AGMO: variants seen among roughly 807,000 people sequenced by gnomAD.
AGMO encodes glyceryl-ether monooxygenase.
Under a neutral mutation model 60.2 loss-of-function variants are expected in AGMO, and 75 were observed. That is an observed-to-expected ratio of 1.25 (90% CI 1.03 to 1.51). The LOEUF (loss-of-function observed/expected upper bound fraction) is 1.51, where lower values mean the gene tolerates loss of function less well. Ranked by LOEUF, AGMO falls within the 40% of genes most tolerant of loss-of-function variation. The pLI is 0.00. For synonymous variants in AGMO, 261 were observed against 177.1 expected, an observed-to-expected ratio of 1.47 and a Z score of -3.76; for missense variants, 763 against 525.5, an observed-to-expected ratio of 1.45 and a Z score of -4.42.
chr7:15,339,942 A>G (rs974562117), intron 12 of AGMO, among the ~76,000 whole-genome samples: 2 of 152,230 alleles, frequency 1.3e-5, no homozygotes, highest in South Asian at 2.1e-4. Context: ...AATTCAGCCC[A>G]TAAGTTATTG....
intron 2 of AGMO, among the ~76,000 whole-genome samples, chr7:15,555,258 A>T (rs542904403): frequency 6.9e-6 from 1 of 144,458 alleles, no homozygotes; most frequent in Non-Finnish European, 1.5e-5. Context: ...CAAATAAATT[A>T]ATGTATTGGA....
intron 12 of AGMO, among the ~76,000 whole-genome samples, chr7:15,278,940 C>T (rs1401172697): frequency 2.0e-5 from 3 of 152,214 alleles, no homozygotes; most frequent in African/African-American, 2.4e-5. Context: ...GGCGGGGAGT[C>T]GTGTGGTGTG....
chr7:15,515,512 T>TA (rs1783784556), intron 3 of AGMO, among the ~76,000 whole-genome samples: 1 of 152,200 alleles, frequency 6.6e-6, no homozygotes. Context: ...CCCGTGGATG[T>TA]ACGTTTTGGC....
intron 12 of AGMO, among the ~76,000 whole-genome samples, chr7:15,326,087 A>T (rs2128542143): frequency 1.3e-5 from 2 of 152,248 alleles, no homozygotes; most frequent in South Asian, 4.1e-4. Context: ...GGTTTTTTTT[A>T]AACTGGGATA....
At chr7:15,546,996 G>T (rs1052237848) in intron 2 of AGMO, among the ~76,000 whole-genome samples, 1 of 152,004 alleles carries the variant, frequency 6.6e-6, no homozygotes, top group Admixed American at 6.6e-5. Flanking sequence ...TCAAGTTTTA[G>T]GTTAAAAATG....
At chr7:15,526,937 T>G (rs1784144170) in intron 3 of AGMO, among the ~76,000 whole-genome samples, 1 of 152,162 alleles carries the variant, frequency 6.6e-6, no homozygotes, top group African/African-American at 2.4e-5. Flanking sequence ...TTTAGGGGTC[T>G]CTCTATGTTG....
At chr7:15,332,093 G>A (rs573586257) in intron 12 of AGMO, among the ~76,000 whole-genome samples, 2 of 152,158 alleles carry the variant, frequency 1.3e-5, no homozygotes, top group South Asian at 4.2e-4. Context: ...GTACCTAACA[G>A]ACCACATAAA....
At chr7:15,357,928 A>G (rs970792716) in intron 12 of AGMO, among the ~76,000 whole-genome samples, 1 of 152,202 alleles carries the variant, frequency 6.6e-6, no homozygotes, top group Non-Finnish European at 1.5e-5. Flanking sequence ...CCTGAATTTT[A>G]CCAAATAAAC....
At chr7:15,478,012 T>C (rs1389744653) in intron 3 of AGMO, among the ~76,000 whole-genome samples, 7 of 152,134 alleles carry the variant, frequency 4.6e-5, no homozygotes, top group African/African-American at 7.2e-5. Context: ...CACACCTTTC[T>C]CCTGTGTATA....
intron 12 of AGMO, among the ~76,000 whole-genome samples, chr7:15,342,734 CAT>C (rs1314239469): frequency 5.0e-5 from 6 of 120,036 alleles, no homozygotes; most frequent in Admixed American, 4.6e-4. Context: ...TTCTGATCAA[CAT>C]AGTCAAGGCT....
intron 4 of AGMO, among the ~76,000 whole-genome samples, chr7:15,420,177 T>C (rs1042848935): frequency 6.6e-6 from 1 of 152,068 alleles, no homozygotes; most frequent in Non-Finnish European, 1.5e-5. Flanking sequence ...CTTGAAATAA[T>C]GACAGCTATT....
chr7:15,339,138 C>T (rs1031265542), intron 12 of AGMO, among the ~76,000 whole-genome samples: 1 of 152,088 alleles, frequency 6.6e-6, no homozygotes, highest in East Asian at 1.9e-4. Flanking sequence ...ACCAGACTAA[C>T]CATGAATAAG....
At chr7:15,133,198 G>T in the AGMO span, among the ~76,000 whole-genome samples, 1 of 152,168 alleles carries the variant, frequency 6.6e-6, no homozygotes, top group Non-Finnish European at 1.5e-5. Context: ...GAGTGGGAAA[G>T]AGTATGCTAG....
chr7:15,160,758 T>A, the AGMO span, among the ~76,000 whole-genome samples: 4 of 152,196 alleles, frequency 2.6e-5, no homozygotes, highest in African/African-American at 7.2e-5. Flanking sequence ...GGAACCCAGG[T>A]ATTTGGTCAA....
chr7:15,245,423 C>T (rs777208900), intron 12 of AGMO, among the ~76,000 whole-genome samples: 1 of 152,142 alleles, frequency 6.6e-6, no homozygotes, highest in African/African-American at 2.4e-5. Flanking sequence ...GATTTGCAGA[C>T]TTCTAAATTA....
intron 12 of AGMO, among the ~76,000 whole-genome samples, chr7:15,207,653 G>C (rs1333139500): frequency 6.6e-6 from 1 of 152,182 alleles, no homozygotes; most frequent in Non-Finnish European, 1.5e-5. Flanking sequence ...AGTGAAAATA[G>C]GCCGGGCGTG....
chr7:15,475,545 T>TG (rs1303244591), intron 3 of AGMO, among the ~76,000 whole-genome samples: 9 of 151,540 alleles, frequency 5.9e-5, no homozygotes, highest in Non-Finnish European at 1.0e-4. Context: ...CTGTCGGATG[T>TG]GGGGGGCTAG....
rs114379403 is a variant in AGMO, at chr7:15,520,575, G to A, written c.409+24197C>T. On this transcript the variant is annotated intron_variant, in intron 3 of 12. Transcript: ENST00000342526. ...AAAACTGCACAACTACATGGAAACC[G>A]AACAAGCTGCTCCTGCATGACTACT... 5.0e-3 allele frequency among the ~76,000 whole-genome samples: 767 copies of A among 152,274 alleles called. 7 individuals carry two copies. Among genetic ancestry groups the A allele is most frequent in the African/African-American group, 0.017 (723 of 41,532 alleles).
chr7:15,256,710 A>G (rs533346395), intron 12 of AGMO, among the ~76,000 whole-genome samples: 6 of 152,146 alleles, frequency 3.9e-5, no homozygotes, highest in Non-Finnish European at 8.8e-5. Context: ...ACAGTTGCCT[A>G]CAGTGTTCTC....
Sources: allele counts gnomAD v4.1 joint callset (sites outside exome capture counted in the v4.1 genomes callset), GRCh38; gene constraint gnomAD v4.1.1; transcripts MANE v1.5; gene names NCBI Gene and HGNC (gene_info 2026-07-23, HGNC 2026-07-21).